The following TSPAN5 variants were observed in gnomAD, a reference collection of about 807,000 sequenced individuals.
The protein encoded by TSPAN5 is tetraspanin-5.
In TSPAN5, 10 loss-of-function variants were observed where a neutral mutation model predicts 37.1. That is an observed-to-expected ratio of 0.27 (90% CI 0.17 to 0.46). The LOEUF is 0.46. Ranked by LOEUF, TSPAN5 falls within the 20% of genes least tolerant of loss-of-function variation. The pLI is 1.00. For synonymous variants in TSPAN5, 110 were observed against 118.9 expected, an observed-to-expected ratio of 0.93 and a Z score of 0.48; for missense variants, 195 against 326.6, an observed-to-expected ratio of 0.60 and a Z score of 3.11.
intron 1 of TSPAN5, among the ~76,000 whole-genome samples, chr4:98,634,100 GA>G (rs11340887): frequency 0.05 from 7,561 of 150,516 alleles, 446 homozygotes; most frequent in East Asian, 0.24. Context: ...GGAAAGAAAA[GA>G]AAAAAAAAGT....
intron 1 of TSPAN5, among the ~76,000 whole-genome samples, chr4:98,640,185 C>T (rs2110276426): frequency 6.6e-6 from 1 of 152,034 alleles, no homozygotes. Flanking sequence ...CTGTAACTGC[C>T]ATAAAAATGA....
chr4:98,516,701 C>T (rs34929876), intron 1 of TSPAN5, among the ~76,000 whole-genome samples: 335 of 152,256 alleles, frequency 2.2e-3, no homozygotes, highest in Admixed American at 5.0e-3. Flanking sequence ...GGGCAGAGCT[C>T]TCATGAATGG....
At chr4:98,563,296 T>G (rs1754918854) in intron 1 of TSPAN5, among the ~76,000 whole-genome samples, 1 of 152,120 alleles carries the variant, frequency 6.6e-6, no homozygotes, top group Non-Finnish European at 1.5e-5. Context: ...CAAATCTACT[T>G]CATTTTTGCC....
intron 1 of TSPAN5, among the ~76,000 whole-genome samples, chr4:98,550,476 T>C (rs1022683261): frequency 6.6e-6 from 1 of 152,170 alleles, no homozygotes; most frequent in Non-Finnish European, 1.5e-5. Flanking sequence ...TCTGGGGAGA[T>C]GGTCATTTTA....
At chr4:98,605,807 A>C (rs1756027174) in intron 1 of TSPAN5, among the ~76,000 whole-genome samples, 1 of 152,198 alleles carries the variant, frequency 6.6e-6, no homozygotes, top group Non-Finnish European at 1.5e-5. Flanking sequence ...ACTATATCTT[A>C]GCTGCCCATC....
intron 1 of TSPAN5, among the ~76,000 whole-genome samples, chr4:98,642,883 CTAAG>C (rs1298089094): frequency 6.6e-5 from 10 of 151,750 alleles, no homozygotes; most frequent in African/African-American, 2.2e-4. Flanking sequence ...ATCTGTTAAG[CTAAG>C]TGTTATTACA....
At chr4:98,484,856 T>C (rs1752926439) in intron 3 of TSPAN5, 1 of 265,392 alleles carries the variant, frequency 3.8e-6, no homozygotes, top group Non-Finnish European at 7.4e-6. Flanking sequence ...CTCACGCCTG[T>C]AATCCCAGCA....
chr4:98,566,117 G>T (rs563840206), intron 1 of TSPAN5, among the ~76,000 whole-genome samples: 1 of 152,294 alleles, frequency 6.6e-6, no homozygotes, highest in East Asian at 1.9e-4. Context: ...CAGGGAACCG[G>T]TGAAAACGTT....
At chr4:98,563,353 C>T (rs1238824274) in intron 1 of TSPAN5, among the ~76,000 whole-genome samples, 2 of 152,162 alleles carry the variant, frequency 1.3e-5, no homozygotes, top group Non-Finnish European at 2.9e-5. Context: ...ACATCCTCTA[C>T]ATTTAAGATC....
chr4:98,480,245 C>T (rs1394021035), intron 4 of TSPAN5, among the ~76,000 whole-genome samples: 1 of 152,222 alleles, frequency 6.6e-6, no homozygotes, highest in African/African-American at 2.4e-5. Flanking sequence ...CTGTATACAT[C>T]ACAAAAATGT....
rs60881535 is a variant in TSPAN5, at chr4:98,583,779, A to G, written c.81+74367T>C. Among the ~76,000 whole-genome samples, 887 of 152,338 alleles carry G rather than the reference A, an allele frequency of 5.8e-3. 10 individuals are homozygous for G. Among genetic ancestry groups the G allele is most frequent in the African/African-American group, 0.02 (823 of 41,586 alleles). On this transcript the variant is annotated intron_variant, in intron 1 of 7. Coordinates refer to ENST00000305798, the MANE Select transcript of TSPAN5 (RefSeq NM_005723.4). ...CTGGACCAAGCCTCACAGGGTGAGA[A>G]AGAAGAATAAGTGAGAGAACGCATG...
At chr4:98,607,201 C>T (rs951663343) in intron 1 of TSPAN5, among the ~76,000 whole-genome samples, 53 of 152,344 alleles carry the variant, frequency 3.5e-4, no homozygotes, top group South Asian at 1.0e-3. Flanking sequence ...TAATCTTGCA[C>T]TGCGATTCCC....
intron 1 of TSPAN5, among the ~76,000 whole-genome samples, chr4:98,555,854 C>G (rs1340281523): frequency 6.6e-6 from 1 of 152,120 alleles, no homozygotes; most frequent in Non-Finnish European, 1.5e-5. Flanking sequence ...GTAATCTGAC[C>G]TACCCTGTTA....
chr4:98,515,966 G>A (rs1753719516), intron 1 of TSPAN5, among the ~76,000 whole-genome samples: 1 of 152,104 alleles, frequency 6.6e-6, no homozygotes, highest in Non-Finnish European at 1.5e-5. Context: ...CTCTCCATCA[G>A]GGCTTCTAGA....
chr4:98,511,277 C>T (rs914463627), intron 1 of TSPAN5, among the ~76,000 whole-genome samples: 1 of 152,128 alleles, frequency 6.6e-6, no homozygotes, highest in South Asian at 2.1e-4. Context: ...ACTACAGCCA[C>T]GTGTTGCTTA....
intron 1 of TSPAN5, among the ~76,000 whole-genome samples, chr4:98,567,975 A>G (rs1181010778): frequency 2.6e-5 from 4 of 152,116 alleles, no homozygotes; most frequent in Non-Finnish European, 5.9e-5. Flanking sequence ...TGGGGATGAC[A>G]ACAGGATCTA....
intron 5 of TSPAN5, among the ~76,000 whole-genome samples, chr4:98,478,221 A>G (rs1170760312): frequency 6.6e-6 from 1 of 152,182 alleles, no homozygotes; most frequent in African/African-American, 2.4e-5. Context: ...AGCCAAAAAG[A>G]AAAGGGTTAC....
At chr4:98,528,228 C>T (rs1057377173) in intron 1 of TSPAN5, among the ~76,000 whole-genome samples, 1 of 152,058 alleles carries the variant, frequency 6.6e-6, no homozygotes, top group Non-Finnish European at 1.5e-5. Flanking sequence ...TATATGAACT[C>T]TCTTTAAAAG....
intron 1 of TSPAN5, among the ~76,000 whole-genome samples, chr4:98,641,301 A>T (rs1265055324): frequency 6.6e-6 from 1 of 152,240 alleles, no homozygotes; most frequent in African/African-American, 2.4e-5. Context: ...GAACCTTCAA[A>T]CACCTAATAA....
Sources: gnomAD v4.1 joint callset for allele counts (sites outside exome capture counted in the v4.1 genomes callset) on GRCh38, gnomAD v4.1.1 for gene constraint, MANE v1.5 for transcripts, NCBI Gene and HGNC (gene_info 2026-07-23, HGNC 2026-07-21) for gene names.